Variants in IMMP2L observed in about 807,000 individuals in gnomAD.
The protein encoded by IMMP2L is inner mitochondrial membrane peptidase subunit 2, also known as mitochondrial inner membrane protease subunit 2.
IMMP2L carries 18 observed loss-of-function variants against 19.3 expected under a neutral mutation model. The ratio of observed to expected loss-of-function variants is 0.93; its 90% CI spans 0.64 to 1.38. The LOEUF is 1.38. IMMP2L is among the 40% of genes most tolerant of loss of function. The pLI is 0.00. For synonymous variants in IMMP2L, 76 were observed against 73.0 expected (o/e 1.04, Z -0.21); for missense variants, 233 against 218.2 (o/e 1.07, Z -0.43).
At chr7:111,169,163 G>A (rs1171062525) in intron 3 of IMMP2L, among the ~76,000 whole-genome samples, 2 of 151,842 alleles carry the variant, frequency 1.3e-5, no homozygotes. Context: ...AAGATTTATA[G>A]GAGCATTGTG....
intron 3 of IMMP2L, among the ~76,000 whole-genome samples, chr7:111,086,485 G>C (rs1043342483): frequency 6.6e-6 from 1 of 151,830 alleles, no homozygotes; most frequent in Non-Finnish European, 1.5e-5. Context: ...AAACCTATAG[G>C]TAAATAAGAA....
chr7:110,765,433 C>G (rs187592612), intron 5 of IMMP2L, among the ~76,000 whole-genome samples: 1 of 151,982 alleles, frequency 6.6e-6, no homozygotes, highest in Non-Finnish European at 1.5e-5. Context: ...TCAAGATATG[C>G]CCATTAAATA....
chr7:111,492,338 T>C (rs1037502250), intron 2 of IMMP2L: 3 of 956,524 alleles, frequency 3.1e-6, no homozygotes, highest in Non-Finnish European at 1.2e-6. Flanking sequence ...TATTTAACAG[T>C]AGTACCACTT....
intron 3 of IMMP2L, among the ~76,000 whole-genome samples, chr7:111,362,839 T>C (rs1428211626): frequency 2.6e-5 from 4 of 152,086 alleles, no homozygotes; most frequent in Middle Eastern, 3.2e-3. Context: ...GGGCGAGAAG[T>C]CTGCCTTGCT....
chr7:111,279,138 A>G (rs1819423778), intron 3 of IMMP2L, among the ~76,000 whole-genome samples: 1 of 152,208 alleles, frequency 6.6e-6, no homozygotes, highest in African/African-American at 2.4e-5. Context: ...CAAATCTTAT[A>G]CAGCAGAGGC....
At chr7:111,421,134 T>C (rs1835479134) in intron 3 of IMMP2L, among the ~76,000 whole-genome samples, 1 of 151,892 alleles carries the variant, frequency 6.6e-6, no homozygotes, top group African/African-American at 2.4e-5. Flanking sequence ...ATTGTGGTTT[T>C]GATTTGCATT....
At chr7:111,311,367 T>C (rs1272007101) in intron 3 of IMMP2L, among the ~76,000 whole-genome samples, 1 of 152,000 alleles carries the variant, frequency 6.6e-6, no homozygotes, top group African/African-American at 2.4e-5. Context: ...GATCATTTGG[T>C]CCCCATAAGG....
intron 3 of IMMP2L, among the ~76,000 whole-genome samples, chr7:111,432,045 T>C (rs1371582970): frequency 6.6e-6 from 1 of 151,774 alleles, no homozygotes; most frequent in Non-Finnish European, 1.5e-5. Context: ...GAACTGCAAC[T>C]TGAAGCCAGT....
chr7:110,964,726 A>G (rs2129555729), intron 3 of IMMP2L, among the ~76,000 whole-genome samples: 1 of 152,064 alleles, frequency 6.6e-6, no homozygotes, highest in South Asian at 2.1e-4. Flanking sequence ...TTATGTTATA[A>G]AACAGACTTA....
At chr7:111,561,308 T>G (rs921312933) in intron 1 of IMMP2L, among the ~76,000 whole-genome samples, 4 of 152,176 alleles carry the variant, frequency 2.6e-5, no homozygotes, top group African/African-American at 9.7e-5. Context: ...GTCATCTCTC[T>G]CCCCTCAAAA....
chr7:111,462,647 TG>T (rs2132021504), intron 3 of IMMP2L, among the ~76,000 whole-genome samples: 1 of 152,236 alleles, frequency 6.6e-6, no homozygotes, highest in South Asian at 2.1e-4. Flanking sequence ...CATTTCTTTG[TG>T]TGATAGAGCT....
intron 3 of IMMP2L, among the ~76,000 whole-genome samples, chr7:110,970,304 C>T (rs916798455): frequency 6.6e-6 from 1 of 152,050 alleles, no homozygotes; most frequent in African/African-American, 2.4e-5. Flanking sequence ...TTTCAAAACA[C>T]AGAATAGTGC....
chr7:111,459,185 A>C (rs1427271327), intron 3 of IMMP2L, among the ~76,000 whole-genome samples: 3 of 152,284 alleles, frequency 2.0e-5, no homozygotes, highest in African/African-American at 7.2e-5. Flanking sequence ...TGATTTTTCA[A>C]TATTACAAAG....
chr7:111,363,232 A>G (rs1241773324), intron 3 of IMMP2L, among the ~76,000 whole-genome samples: 2 of 152,088 alleles, frequency 1.3e-5, no homozygotes, highest in Non-Finnish European at 2.9e-5. Context: ...CTTGCTACTC[A>G]AAGTATGGAC....
chr7:111,362,514 G>C (rs1246412387), intron 3 of IMMP2L, among the ~76,000 whole-genome samples: 10 of 151,834 alleles, frequency 6.6e-5, no homozygotes, highest in African/African-American at 2.4e-4. Context: ...TGAAAGAACT[G>C]AAACTGTTCA....
At chr7:111,458,251 G>C (rs945640558) in intron 3 of IMMP2L, among the ~76,000 whole-genome samples, 1 of 151,864 alleles carries the variant, frequency 6.6e-6, no homozygotes, top group Non-Finnish European at 1.5e-5. Context: ...GATGGCGTGC[G>C]CCTGTACTCC....
In IMMP2L at chr7:110,939,352, C is replaced by G. The variant is rs1281803544; in HGVS notation, c.305+24148G>C. Among the ~76,000 whole-genome samples, 5 of 143,352 alleles carry G rather than the reference C, an allele frequency of 3.5e-5. No individual in the cohort carries two copies. The East Asian group carries it at 9.9e-4, about 28-fold the overall frequency. The allele number at this position is 143,352 out of a possible 152,430, so 94.0% of individuals were successfully genotyped here. On this transcript the variant is annotated intron_variant, in intron 4 of 5. Coordinates refer to ENST00000405709, the MANE Select transcript of IMMP2L (RefSeq NM_032549.4). ...GTGTCCCAAGAGCTTCCATGTTTGG[C>G]CAGATTTTTAAAACCATTGATCTAA...
intron 1 of IMMP2L, among the ~76,000 whole-genome samples, chr7:111,547,505 A>AC (rs36099268): frequency 8.9e-4 from 121 of 135,914 alleles, no homozygotes; most frequent in African/African-American, 2.1e-3. Flanking sequence ...AAACTGTCAT[A>AC]CCCCCCCCCC....
At chr7:111,561,742 C>T (rs1035832818) in intron 1 of IMMP2L, 109 bp downstream of exon 1, 1 of 152,842 alleles carries the variant, frequency 6.5e-6, no homozygotes, top group Non-Finnish European at 1.5e-5. Flanking sequence ...AAGGTAGAAT[C>T]TGGGCCCAAG....
Sources: allele counts gnomAD v4.1 joint callset (sites outside exome capture counted in the v4.1 genomes callset), GRCh38; gene constraint gnomAD v4.1.1; transcripts MANE v1.5; gene names NCBI Gene and HGNC (gene_info 2026-07-23, HGNC 2026-07-21).